TF: variants seen among roughly 807,000 people sequenced by gnomAD.
TF encodes the protein transferrin, also known as serotransferrin.
TF carries 55 observed loss-of-function variants against 82.4 expected under a neutral mutation model. The observed-to-expected ratio is 0.67, with a 90% confidence interval of 0.54 to 0.84. The LOEUF (loss-of-function observed/expected upper bound fraction) is 0.84. TF is among the 40% of genes least tolerant of loss of function. The probability of loss-of-function intolerance (pLI) is 0.00; values close to 1 mark genes in which losing one functional copy is unlikely to be tolerated. For missense variants in TF, 737 were observed against 868.4 expected, an observed-to-expected ratio of 0.85 and a Z score of 1.90; for synonymous variants, 332 against 332.6, an observed-to-expected ratio of 1.00 and a Z score of 0.02.
the TF span, among the ~76,000 whole-genome samples, chr3:133,696,268 C>T: frequency 0.047 from 7,115 of 151,942 alleles, 578 homozygotes; most frequent in African/African-American, 0.16. Flanking sequence ...TGCCCTCCAG[C>T]CTGGGCGACA....
At chr3:133,675,780 C>T in the TF span, among the ~76,000 whole-genome samples, 11 of 152,270 alleles carry the variant, frequency 7.2e-5, no homozygotes, top group East Asian at 3.9e-4. Context: ...CCCCTGACTT[C>T]TCACTGTGTT....
intron 9 of TF, among the ~76,000 whole-genome samples, chr3:133,763,074 G>C (rs1934034246): frequency 1.3e-5 from 2 of 152,076 alleles, no homozygotes; most frequent in African/African-American, 4.8e-5. Context: ...ACCTGTGACT[G>C]TATTGTCAGT....
At chr3:133,763,818 C>T (rs8177327) in intron 9 of TF, among the ~76,000 whole-genome samples, 106 of 152,328 alleles carry the variant, frequency 7.0e-4, no homozygotes, top group Non-Finnish European at 1.3e-3. Flanking sequence ...ACAGCCACAG[C>T]CACGAGTCCC....
chr3:133,681,456 G>A, the TF span, among the ~76,000 whole-genome samples: 2 of 152,226 alleles, frequency 1.3e-5, no homozygotes, highest in African/African-American at 4.8e-5. Context: ...CCTAGCCAAG[G>A]GAAGCCGTGA....
intron 2 of TF, among the ~76,000 whole-genome samples, chr3:133,750,775 A>T (rs959009806): frequency 2.0e-5 from 3 of 151,834 alleles, no homozygotes; most frequent in African/African-American, 4.8e-5. Context: ...TTCATTTTTT[A>T]AAAAATATAT....
At chr3:133,743,854 A>C (rs1394238308), upstream of TF, among the ~76,000 whole-genome samples, 2 of 152,192 alleles carry the variant, frequency 1.3e-5, no homozygotes, top group Non-Finnish European at 2.9e-5. Context: ...ATACAGGCAT[A>C]GGCACCCCAT....
chr3:133,717,042 T>C, the TF span, among the ~76,000 whole-genome samples: 1 of 152,238 alleles, frequency 6.6e-6, no homozygotes, highest in African/African-American at 2.4e-5. Flanking sequence ...TAAACACACA[T>C]GCTTGCACAT....
At chr3:133,722,552 T>C in the TF span, among the ~76,000 whole-genome samples, 5 of 152,170 alleles carry the variant, frequency 3.3e-5, no homozygotes, top group African/African-American at 1.2e-4. Context: ...CTCTTTCTTA[T>C]TTTTGTATCT....
At chr3:133,680,380 T>C in the TF span, among the ~76,000 whole-genome samples, 1 of 152,044 alleles carries the variant, frequency 6.6e-6, no homozygotes, top group African/African-American at 2.4e-5. Context: ...TAATTTTGTA[T>C]TTTTTGTAGA....
At chr3:133,754,339 A>G (rs1437003107) in intron 3 of TF, among the ~76,000 whole-genome samples, 156 bp from the exon 4 acceptor site, 1 of 151,934 alleles carries the variant, frequency 6.6e-6, no homozygotes, top group Non-Finnish European at 1.5e-5. Flanking sequence ...CTCCCCTGCA[A>G]CCCTAGGAAG....
In TF at chr3:133,754,635, T is replaced by C. The variant is rs772210493; in HGVS notation, c.466T>C (p.Cys156Arg). The change falls in exon 4 of 17, where the codon TGT becomes CGT. Residue 156 changes from cysteine (C) to arginine (R), a missense_variant. Cys to Arg is a radical substitution (Grantham distance 180). Coordinates refer to ENST00000402696, the MANE Select transcript of TF (RefSeq NM_001063.4). ...GWNIPIGLLY[C>R]DLPEPRKPLE... The stretch of plus-strand genomic sequence containing the variant: ...GAACATCCCCATAGGCTTACTTTAC[T>C]GTGACTTACCTGAGCCACGTAAACC... The C allele has an allele frequency of 1.2e-6, 2 of 1,614,114 alleles. No individual in the cohort carries two copies. The highest frequency in any genetic ancestry group is 1.3e-5 in the African/African-American group (1 of 74,942).
intron 9 of TF, 85 bp from the exon 10 acceptor site, chr3:133,764,097 G>A: frequency 8.6e-7 from 1 of 1,165,166 alleles, no homozygotes; most frequent in African/African-American, 1.5e-5. Flanking sequence ...GTGCTGGAAA[G>A]GCTGCTTCAA....
chr3:133,772,475 G>A (rs1447484227), intron 14 of TF, among the ~76,000 whole-genome samples: 1 of 152,178 alleles, frequency 6.6e-6, no homozygotes, highest in African/African-American at 2.4e-5. Context: ...TCACTTTTAT[G>A]TAGAGAGTAC....
the TF span, among the ~76,000 whole-genome samples, chr3:133,691,994 A>G: frequency 6.6e-6 from 1 of 152,210 alleles, no homozygotes; most frequent in African/African-American, 2.4e-5. Context: ...AGGGCTGGGA[A>G]AGTGGCTCTT....
the TF span, among the ~76,000 whole-genome samples, chr3:133,670,246 C>T: frequency 6.6e-6 from 1 of 152,208 alleles, no homozygotes; most frequent in Non-Finnish European, 1.5e-5. Context: ...TGGCAATAGC[C>T]TTATGGGGTT....
At chr3:133,718,018 G>C in the TF span, among the ~76,000 whole-genome samples, 2 of 152,138 alleles carry the variant, frequency 1.3e-5, no homozygotes, top group African/African-American at 2.4e-5. Flanking sequence ...TGTGCTCCCT[G>C]ATGGGAGCAC....
At chr3:133,682,608 A>G in the TF span, among the ~76,000 whole-genome samples, 7 of 152,258 alleles carry the variant, frequency 4.6e-5, no homozygotes, top group Non-Finnish European at 8.8e-5. Context: ...AAAGAGTATC[A>G]GTGATTGAAG....
the TF span, among the ~76,000 whole-genome samples, chr3:133,669,299 G>C: frequency 5.1e-4 from 77 of 152,270 alleles, no homozygotes; most frequent in Middle Eastern, 3.4e-3. Flanking sequence ...ACCGTGCCCA[G>C]CCACATCTCT....
rs1300806460 is a variant in TF at position 133,751,425 on chromosome 3, G to C, written c.217-2170G>C. On this transcript the variant is annotated intron_variant, in intron 2 of 16. Transcript: ENST00000402696. Reference sequence around the variant, plus strand: ...TTTTTGTATTTTTAGTAGAGACGGGGTTTCACCGTGTTAGCCAGTATGGTC... The same window carrying C: ...TTTTTGTATTTTTAGTAGAGACGGGCTTTCACCGTGTTAGCCAGTATGGTC... 3.3e-5 allele frequency among the ~76,000 whole-genome samples: 5 copies of C among 151,952 alleles called. No homozygotes were observed. In the East Asian group the frequency reaches 9.7e-4, roughly 30 times the overall value.
Sources: gnomAD v4.1 joint callset for allele counts (sites outside exome capture counted in the v4.1 genomes callset) on GRCh38, gnomAD v4.1.1 for gene constraint, MANE v1.5 for transcripts, NCBI Gene and HGNC (gene_info 2026-07-23, HGNC 2026-07-21) for gene names.